The following GPR155 variants were observed in gnomAD, a reference collection of about 807,000 sequenced individuals.
GPR155 encodes the protein G protein-coupled receptor 155, also known as lysosomal cholesterol signaling protein.
A neutral mutation model predicts 93.1 loss-of-function variants in GPR155; 65 were observed. The observed-to-expected ratio is 0.70, with a 90% CI of 0.57 to 0.86. GPR155 has a LOEUF of 0.86. Ranked by LOEUF, GPR155 falls within the 40% of genes least tolerant of loss-of-function variation. The probability of loss-of-function intolerance (pLI) is 0.00; values close to 1 mark genes in which losing one functional copy is unlikely to be tolerated. For synonymous variants in GPR155, 319 were observed against 360.1 expected (o/e 0.89, Z 1.29); for missense variants, 838 against 1,034.8 (o/e 0.81, Z 2.61).
At chr2:174,455,172 A>G (rs35556325) in intron 10 of GPR155, among the ~76,000 whole-genome samples, 56,833 of 151,642 alleles carry the variant, frequency 0.37, 11,001 homozygotes, top group Non-Finnish European at 0.44. Flanking sequence ...GCGAGACTCC[A>G]TCTCAAAAAA....
At chr2:174,468,651 A>G (rs1559113634) in intron 5 of GPR155, among the ~76,000 whole-genome samples, 1 of 152,240 alleles carries the variant, frequency 6.6e-6, no homozygotes, top group South Asian at 2.1e-4. Context: ...GTAACTCCAC[A>G]GAGGCATACA....
intron 4 of GPR155, among the ~76,000 whole-genome samples, chr2:174,469,289 T>C (rs947036248): frequency 6.6e-6 from 1 of 152,216 alleles, no homozygotes; most frequent in African/African-American, 2.4e-5. Context: ...CTATGCTTAA[T>C]TTATATTTAC....
chr2:174,453,568 G>A (rs1161220929), intron 11 of GPR155, among the ~76,000 whole-genome samples, 169 bp downstream of exon 11: 1 of 149,528 alleles, frequency 6.7e-6, no homozygotes, highest in Non-Finnish European at 1.5e-5. Flanking sequence ...GCTGAGGCAG[G>A]AGAATGGCGT....
At chr2:174,461,189 T>TTTTAA (rs1432972309) in intron 9 of GPR155, among the ~76,000 whole-genome samples, 1 of 152,204 alleles carries the variant, frequency 6.6e-6, no homozygotes, top group African/African-American at 2.4e-5. Flanking sequence ...ATTCAATAAG[T>TTTTAA]TTTAAGCATT....
In GPR155 at chr2:174,465,844, C is replaced by T. The variant is rs1687824258; in HGVS notation, c.1325G>A (p.Gly442Glu). 4 of 1,608,990 alleles carry T rather than the reference C, an allele frequency of 2.5e-6. No individual in the cohort carries two copies. The highest frequency in any genetic ancestry group is 2.6e-6 in the Non-Finnish European group (3 of 1,176,288). Residue 442 changes from glycine to glutamate, a missense_variant, in exon 7 of 16, where the codon GGA becomes GAA. Gly to Glu is a moderately conservative substitution (Grantham distance 98). This residue lies in a region of GPR155 where 663 missense variants were observed against 790.1 expected (regional missense o/e 0.84). Transcript: ENST00000392552. ...WNFVKEKNFV[G>E]QILVFVLLYS... ...CAATAGAACAAACACCAAAATTTGTCCAACAAAATTTTTTTCTTTAACAAA... is the reference window on the plus strand; with the variant it reads ...CAATAGAACAAACACCAAAATTTGTTCAACAAAATTTTTTTCTTTAACAAA...
At position 174,478,987 on chromosome 2, in the gene GPR155, C is replaced by T. The variant is rs145196910; in HGVS notation, c.460+2510G>A. 2.3e-3 allele frequency among the ~76,000 whole-genome samples: 345 copies of T among 152,096 alleles called. 1 individual carries two copies. Among genetic ancestry groups the T allele is most frequent in the African/African-American group, 8.1e-3 (335 of 41,480 alleles). On this transcript the variant is annotated intron_variant, in intron 2 of 15. Transcript: ENST00000392552. Reference sequence around the variant, plus strand: ...ACGTCTAGATATATGAAAAAGCACTCGTCTAATATATTGGTTTTTAGCAAA... The same window carrying T: ...ACGTCTAGATATATGAAAAAGCACTTGTCTAATATATTGGTTTTTAGCAAA...
At chr2:174,486,449 G>A (rs1196855437) in intron 1 of GPR155, among the ~76,000 whole-genome samples, 1 of 152,220 alleles carries the variant, frequency 6.6e-6, no homozygotes, top group African/African-American at 2.4e-5. Context: ...CAACGTCATG[G>A]TAACTAACAT....
chr2:174,463,061 C>T (rs1687745718), intron 7 of GPR155, among the ~76,000 whole-genome samples: 1 of 151,698 alleles, frequency 6.6e-6, no homozygotes, highest in South Asian at 2.1e-4. Context: ...CCCTAGGGTA[C>T]CTAAGACATA....
intron 10 of GPR155, 72 bp from the exon 11 acceptor site, chr2:174,453,913 A>G: frequency 9.9e-7 from 1 of 1,014,134 alleles, no homozygotes; most frequent in Non-Finnish European, 1.6e-6. Flanking sequence ...AGAAATGCCA[A>G]AGAAAACAAA....
At chr2:174,446,310 AAAAAAAAAAATAAAAAAT>A (rs938064846) in intron 12 of GPR155, among the ~76,000 whole-genome samples, 1 of 10,454 alleles carries the variant, frequency 9.6e-5, no homozygotes, top group Non-Finnish European at 1.0e-3. Flanking sequence ...CTGTCTCAAA[AAAAAAAAAAATAAAAAAT>A]AAAAAGAAAT....
At chr2:174,460,672 C>G (rs1687664092) in intron 9 of GPR155, among the ~76,000 whole-genome samples, 1 of 152,132 alleles carries the variant, frequency 6.6e-6, no homozygotes, top group Non-Finnish European at 1.5e-5. Context: ...TACAAGGAAT[C>G]TAAATGATTT....
chr2:174,437,090 T>C (rs764242498), intron 15 of GPR155, among the ~76,000 whole-genome samples: 46 of 152,204 alleles, frequency 3.0e-4, no homozygotes, highest in Non-Finnish European at 5.3e-4. Flanking sequence ...TATTTAAAAA[T>C]CTATCTTCCT....
chr2:174,455,376 G>A lies in GPR155; in HGVS notation c.1772-1535C>T, dbSNP rs1048597120. Among the ~76,000 whole-genome samples the A allele has an allele frequency of 2.2e-4, 5 of 22,526 alleles. No homozygotes were observed. The Non-Finnish European group carries it at 0.011, about 50-fold the overall frequency. The allele number at this position is 22,526 out of a possible 152,430, so 14.8% of individuals were successfully genotyped here. On this transcript the variant is annotated intron_variant, in intron 10 of 15. Coordinates refer to ENST00000392552, the MANE Select transcript of GPR155 (RefSeq NM_152529.7). ...CAGGGAGAGGTGGCAGAATAGGCTC[G>A]GAGAGGGAATATGGCTGGCAGTGGA...
At position 174,469,003 on chromosome 2, in the gene GPR155, A is replaced by G. The variant is rs1242896440; in HGVS notation, c.1091T>C (p.Leu364Ser). 6 of 1,614,056 alleles carry G rather than the reference A, an allele frequency of 3.7e-6. No individual in the cohort carries two copies. The highest frequency in any genetic ancestry group is 5.1e-6 in the Non-Finnish European group (6 of 1,179,898). ...AGGGTCCATAGTGGGAAAGGTCAGT[A>G]ACCAGGCAGAAACGTACATGATGGG... ...SAPIMYVSAW[L>S]LTFPTMDPKP... Residue 364 changes from leucine to serine, a missense_variant, in exon 5 of 16, where the codon TTA (leucine) becomes TCA (serine). Physicochemically the swap from Leu to Ser is moderately radical, Grantham distance 145 (BLOSUM62 -2). This residue lies in a region of GPR155 where 663 missense variants were observed against 790.1 expected (regional missense o/e 0.84). Transcript: ENST00000392552.
rs11899528 is a variant in GPR155 at position 174,465,388 on chromosome 2, G to C, written c.1384+397C>G. On this transcript the variant is annotated intron_variant, in intron 7 of 15. Coordinates refer to ENST00000392552, the MANE Select transcript of GPR155 (RefSeq NM_152529.7). The stretch of plus-strand genomic sequence containing the variant: ...TGAGGCTTCAAAAGTTAAGTAATTT[G>C]CATGAGGCAGAGCCAGAATTTCCCT... Among the ~76,000 whole-genome samples, 449 of 152,318 alleles carry C rather than the reference G, an allele frequency of 2.9e-3. 5 individuals carry two copies. Among genetic ancestry groups the C allele is most frequent in the African/African-American group, 0.01 (431 of 41,572 alleles).
chr2:174,451,756 C>T (rs899294588), intron 11 of GPR155, among the ~76,000 whole-genome samples: 2 of 152,012 alleles, frequency 1.3e-5, no homozygotes, highest in African/African-American at 4.8e-5. Context: ...AGCGATCCTC[C>T]CACCCCAGCC....
intron 2 of GPR155, among the ~76,000 whole-genome samples, chr2:174,474,962 C>T (rs1238726528): frequency 6.6e-6 from 1 of 151,870 alleles, no homozygotes; most frequent in Non-Finnish European, 1.5e-5. Flanking sequence ...CAGCCACAGT[C>T]GTTCACAAGG....
intron 11 of GPR155, among the ~76,000 whole-genome samples, chr2:174,448,657 C>T (rs1001592741): frequency 6.7e-6 from 1 of 150,334 alleles, no homozygotes; most frequent in Non-Finnish European, 1.5e-5. Context: ...CCTGCCTCAG[C>T]CTCCCGAGTA....
At chr2:174,464,298 T>G (rs1687780664) in intron 7 of GPR155, among the ~76,000 whole-genome samples, 1 of 152,190 alleles carries the variant, frequency 6.6e-6, no homozygotes, top group African/African-American at 2.4e-5. Flanking sequence ...TGAAAAAAAC[T>G]AATTAGCAAA....
Sources: allele counts gnomAD v4.1 joint callset (sites outside exome capture counted in the v4.1 genomes callset), GRCh38; gene constraint gnomAD v4.1.1; regional missense constraint gnomAD v4.1.1; transcripts MANE v1.5; gene names NCBI Gene and HGNC (gene_info 2026-07-23, HGNC 2026-07-21).